Variants in MTAP observed in about 807,000 individuals in gnomAD.
MTAP encodes methylthioadenosine phosphorylase.
In MTAP, 33 loss-of-function variants were observed where a neutral mutation model predicts 33.6. The ratio of observed to expected loss-of-function variants is 0.98; its 90% confidence interval spans 0.74 to 1.31. MTAP has a LOEUF of 1.31. Ranked by LOEUF, MTAP falls within the 40% of genes most tolerant of loss-of-function variation. The pLI is 0.00. For synonymous variants in MTAP, 148 were observed against 125.7 expected, an observed-to-expected ratio of 1.18 and a Z score of -1.19; for missense variants, 367 against 360.0, an observed-to-expected ratio of 1.02 and a Z score of -0.16.
chr9:21,853,109 T>C (rs1563847363), intron 5 of MTAP, among the ~76,000 whole-genome samples: 1 of 152,182 alleles, frequency 6.6e-6, no homozygotes, highest in Non-Finnish European at 1.5e-5. Context: ...TAGCCTCCAT[T>C]TCTTCCTCCT....
chr9:21,935,916 C>G (rs1243796302), downstream of MTAP: 1 of 152,176 alleles, frequency 6.6e-6, no homozygotes. Flanking sequence ...TTCTAAGCAT[C>G]TAGCTATCAT....
At chr9:21,907,390 C>G (rs1329881861) in intron 1 of MTAP, among the ~76,000 whole-genome samples, 3 of 152,156 alleles carry the variant, frequency 2.0e-5, no homozygotes, top group African/African-American at 7.2e-5. Flanking sequence ...CAACCCATCT[C>G]TACAAAAACC....
At chr9:21,861,281 T>C (rs1587256851) in intron 7 of MTAP, 1 of 152,200 alleles carries the variant, frequency 6.6e-6, no homozygotes, top group East Asian at 1.9e-4. Flanking sequence ...TTAGTTTACG[T>C]AGCTTTCATC....
At chr9:21,868,702 C>T (rs1825891709), downstream of MTAP, among the ~76,000 whole-genome samples, 1 of 152,150 alleles carries the variant, frequency 6.6e-6, no homozygotes. Flanking sequence ...GACTTTAGTT[C>T]CCTCTTCACA....
Position 21,837,945 on chromosome 9 carries a change from C to T in MTAP, c.385C>T (p.His129Tyr). The change falls in exon 5 of 8, where the codon CAT (histidine) becomes TAT (tyrosine). Residue 129 changes from histidine (H) to tyrosine (Y), a missense_variant. By Grantham distance (83) the His-to-Tyr change is moderately conservative. Transcript: ENST00000644715. ...MRPQSFYDGS[H>Y]SCARGVCHIP... ...ACCTCAGTCCTTCTATGATGGAAGT[C>T]ATTCTTGTGCCAGAGGAGTGTGCCA... 3.1e-6 allele frequency: 5 copies of T among 1,614,078 alleles called. No homozygotes were observed. The highest frequency in any genetic ancestry group is 4.2e-6 in the Non-Finnish European group (5 of 1,179,970).
At chr9:21,850,409 T>C (rs937334146) in intron 5 of MTAP, among the ~76,000 whole-genome samples, 2 of 152,190 alleles carry the variant, frequency 1.3e-5, no homozygotes, top group Non-Finnish European at 2.9e-5. Flanking sequence ...GCCCATCTAT[T>C]GAGTGACCCA....
intron 1 of MTAP, among the ~76,000 whole-genome samples, chr9:21,883,569 A>C (rs1470441320): frequency 6.6e-6 from 1 of 152,050 alleles, no homozygotes; most frequent in Non-Finnish European, 1.5e-5. Context: ...CTTTAATATC[A>C]GACTTAATAC....
chr9:21,928,283 A>G (rs989035314), intron 1 of MTAP, among the ~76,000 whole-genome samples: 1 of 152,230 alleles, frequency 6.6e-6, no homozygotes, highest in African/African-American at 2.4e-5. Context: ...TTCAGTGGGA[A>G]GGGACTAACC....
intron 1 of MTAP, among the ~76,000 whole-genome samples, chr9:21,928,343 A>G (rs1587304047): frequency 6.6e-6 from 1 of 152,194 alleles, no homozygotes; most frequent in African/African-American, 2.4e-5. Context: ...ACCACAAATA[A>G]TCCCTAGATG....
At chr9:21,844,080 A>G (rs976360692) in intron 5 of MTAP, among the ~76,000 whole-genome samples, 3 of 152,236 alleles carry the variant, frequency 2.0e-5, no homozygotes, top group South Asian at 2.1e-4. Flanking sequence ...ACAAAAGACT[A>G]TTCAAGGCTA....
At chr9:21,902,810 T>C (rs1201469144) in intron 1 of MTAP, among the ~76,000 whole-genome samples, 1 of 152,186 alleles carries the variant, frequency 6.6e-6, no homozygotes, top group Non-Finnish European at 1.5e-5. Context: ...AAAATCTCTT[T>C]TATTACCTTT....
At chr9:21,835,954 A>C (rs1825094510) in intron 4 of MTAP, among the ~76,000 whole-genome samples, 1 of 152,206 alleles carries the variant, frequency 6.6e-6, no homozygotes, top group Non-Finnish European at 1.5e-5. Flanking sequence ...CCCTTCTGGT[A>C]TCTTGATAGT....
rs192075122 is a variant in MTAP at position 21,905,893 on chromosome 9, C to G, written c.148-25115C>G. Among the ~76,000 whole-genome samples, 37 of 152,254 alleles carry G rather than the reference C, an allele frequency of 2.4e-4. No homozygotes were observed. The East Asian group carries it at 6.6e-3, about 27-fold the overall frequency. On this transcript the variant is annotated intron_variant, in intron 1 of 1. Coordinates refer to the MTAP transcript ENST00000577563. The stretch of plus-strand genomic sequence containing the variant: ...AAGGGAGATGACAACACTTATATTA[C>G]CATAGTGGCTTTGGGTGGGGAGAAA...
intron 1 of MTAP, among the ~76,000 whole-genome samples, chr9:21,815,168 T>A (rs1824445213): frequency 6.6e-6 from 1 of 152,214 alleles, no homozygotes; most frequent in African/African-American, 2.4e-5. Context: ...ATTCAGACAG[T>A]CAGAAGTAAA....
At chr9:21,935,858 G>A (rs1339668652), downstream of MTAP, 1 of 152,090 alleles carries the variant, frequency 6.6e-6, no homozygotes, top group Non-Finnish European at 1.5e-5. Context: ...CAGGGCAATG[G>A]TATTTCAGGT....
rs188499705 is a variant in MTAP, at chr9:21,886,320, T to A, written c.147+31450T>A. Among the ~76,000 whole-genome samples the A allele has an allele frequency of 1.5e-3, 221 of 152,258 alleles. 3 individuals are homozygous for A. The highest frequency in any genetic ancestry group is 0.013 in the Admixed American group (200 of 15,286). On this transcript the variant is annotated intron_variant, in intron 1 of 1. Transcript: ENST00000577563. ...TGGGATTGTTTTATTCTTGCTGATTTGTTTCAGTTCCTTGTGGATTCTGGA... is the reference window on the plus strand; with the variant it reads ...TGGGATTGTTTTATTCTTGCTGATTAGTTTCAGTTCCTTGTGGATTCTGGA...
rs367599453 is a variant in MTAP, at chr9:21,915,000, T to TTTCCTTCC, written c.148-15957_148-15950dup. ...TAGCACATATCAATACTTTGTTTTC[T>TTTCCTTCC]TTCCTTCCTTCCTTCCTTCCTTCCT... On this transcript the variant is annotated intron_variant, in intron 1 of 1. Transcript: ENST00000577563. 6.5e-3 allele frequency among the ~76,000 whole-genome samples: 547 copies of TTTCCTTCC among 83,660 alleles called. 7 individuals are homozygous for TTTCCTTCC. The highest frequency in any genetic ancestry group is 0.011 in the Admixed American group (76 of 6,882). The allele number at this position is 83,660 out of a possible 152,430, so 54.9% of individuals were successfully genotyped here. A position where few individuals can be genotyped will look rare whatever the true frequency, so the allele number is the denominator to read the frequency against.
At chr9:21,825,787 T>C (rs960502943) in intron 4 of MTAP, among the ~76,000 whole-genome samples, 2 of 152,140 alleles carry the variant, frequency 1.3e-5, no homozygotes, top group Non-Finnish European at 2.9e-5. Context: ...GCTAGAATGA[T>C]TCATGAATGC....
In MTAP at chr9:21,818,171, G is replaced by C; in HGVS notation, c.316G>C (p.Asp106His). ...GSLREEIQPG[D>H]IVIIDQFIDR... ...CTTGAGGGAGGAGATTCAGCCCGGC[G>C]ATATTGTCATTATTGATCAGTTCAT... The change falls in exon 4 of 8, where the codon GAT (aspartate) becomes CAT (histidine). Residue 106 changes from aspartate (D) to histidine (H), a missense_variant. Physicochemically the swap from Asp to His is moderately conservative, Grantham distance 81 (BLOSUM62 -1). Transcript: ENST00000644715. 1.2e-6 allele frequency: 2 copies of C among 1,613,908 alleles called. No individual in the cohort carries two copies. The highest frequency in any genetic ancestry group is 1.1e-5 in the South Asian group (1 of 91,034).
Sources: allele counts gnomAD v4.1 joint callset (sites outside exome capture counted in the v4.1 genomes callset), GRCh38; gene constraint gnomAD v4.1.1; transcripts MANE v1.5; gene names NCBI Gene and HGNC (gene_info 2026-07-23, HGNC 2026-07-21).